KIF5C: variants seen among roughly 807,000 people sequenced by gnomAD.
KIF5C encodes kinesin heavy chain isoform 5C.
In KIF5C, 18 loss-of-function variants were observed where a neutral mutation model predicts 125.2. That is an observed-to-expected ratio of 0.14 (90% CI 0.10 to 0.21). The LOEUF is 0.21. KIF5C is among the 10% of genes least tolerant of loss of function. The pLI is 1.00. For missense variants in KIF5C, 780 were observed against 1,183.8 expected, an observed-to-expected ratio of 0.66 and a Z score of 5.01; for synonymous variants, 405 against 434.0, an observed-to-expected ratio of 0.93 and a Z score of 0.83.
intron 25 of KIF5C, among the ~76,000 whole-genome samples, chr2:149,016,149 T>C (rs1387645383): frequency 2.0e-5 from 3 of 152,180 alleles, no homozygotes; most frequent in Non-Finnish European, 4.4e-5. Flanking sequence ...CTCATGGATC[T>C]GGGAGAACCC....
intron 19 of KIF5C, 109 bp downstream of exon 19, chr2:148,998,618 G>C: frequency 6.7e-7 from 1 of 1,482,158 alleles, no homozygotes; most frequent in Non-Finnish European, 9.1e-7. Flanking sequence ...ACCTTGCCCT[G>C]TGGGCACTGC....
intron 1 of KIF5C, among the ~76,000 whole-genome samples, chr2:148,911,472 G>A (rs904368426): frequency 6.6e-6 from 1 of 152,100 alleles, no homozygotes; most frequent in Admixed American, 6.6e-5. Flanking sequence ...AGATTAAGAG[G>A]CCATGAAGCC....
chr2:148,903,636 T>C (rs763502256), intron 1 of KIF5C, among the ~76,000 whole-genome samples: 1 of 152,176 alleles, frequency 6.6e-6, no homozygotes, highest in Non-Finnish European at 1.5e-5. Flanking sequence ...GTTCCAAGTG[T>C]TTTACATATA....
chr2:148,979,036 C>G (rs1270825307), intron 13 of KIF5C, 46 bp downstream of exon 13: 1 of 1,485,426 alleles, frequency 6.7e-7, no homozygotes, highest in East Asian at 2.5e-5. Context: ...TCTTCTATTA[C>G]TCTTTGTTGT....
intron 3 of KIF5C, among the ~76,000 whole-genome samples, chr2:148,930,872 C>T (rs753348367): frequency 1.3e-5 from 2 of 152,174 alleles, no homozygotes; most frequent in African/African-American, 2.4e-5. Flanking sequence ...TACTGCAGAA[C>T]GTCTTGGAAA....
intron 1 of KIF5C, chr2:148,883,720 A>T (rs1048325037): frequency 1.4e-4 from 21 of 152,154 alleles, no homozygotes; most frequent in African/African-American, 5.1e-4. Context: ...GCATTCTAAA[A>T]GTTGCATATA....
chr2:148,875,575 G>GGCCCCCCC lies in KIF5C; in HGVS notation c.-43_-42insGCCCCCCC. The GGCCCCCCC allele has an allele frequency of 3.3e-5, 23 of 699,568 alleles. No individual in the cohort carries two copies. Among genetic ancestry groups the GGCCCCCCC allele is most frequent in the East Asian group, 6.0e-5 (2 of 33,462 alleles). The allele number at this position is 699,568 out of a possible 1,614,324, so 43.3% of individuals were successfully genotyped here. A position where few individuals can be genotyped will look rare whatever the true frequency, so the allele number is the denominator to read the frequency against. ...TCCTCCCTCGTCGTTCCCGGCCCCG[G>GGCCCCCCC]CCCCCCACCCATCCCCGTGCCCCCT... On this transcript the variant is annotated 5_prime_UTR_variant, in exon 1 of 26. Transcript: ENST00000435030.
intron 1 of KIF5C, chr2:148,884,083 G>C (rs891850666): frequency 4.6e-5 from 7 of 152,174 alleles, no homozygotes; most frequent in Non-Finnish European, 1.0e-4. Context: ...AATTCTTACT[G>C]AGGGTATGTG....
chr2:148,977,604 A>G (rs144346661), intron 12 of KIF5C, among the ~76,000 whole-genome samples: 1 of 152,342 alleles, frequency 6.6e-6, no homozygotes, highest in Non-Finnish European at 1.5e-5. Flanking sequence ...TTTCCCTAAT[A>G]TGATTTGTGC....
At position 149,026,545 on chromosome 2, in the gene KIF5C, G is replaced by A. The variant is rs528421167; in HGVS notation, c.*3475G>A. ...AAAAAAATTGTGGACAAACTTGTCC[G>A]GGGGGTTTGAGGGGAGAATGGTGGT... is the stretch of plus-strand genomic sequence containing the variant. On this transcript the variant is annotated 3_prime_UTR_variant, in exon 26 of 26. Coordinates refer to ENST00000435030, the MANE Select transcript of KIF5C (RefSeq NM_004522.3). 4.7e-4 allele frequency: 72 copies of A among 152,712 alleles called. No homozygotes were observed. Among genetic ancestry groups the A allele is most frequent in the Non-Finnish European group, 6.8e-4 (46 of 68,092 alleles). 9.5% of individuals were successfully genotyped at this position (152,712 alleles called of 1,614,324 possible).
chr2:148,997,003 GC>G (rs956201782), intron 17 of KIF5C, among the ~76,000 whole-genome samples: 1 of 152,092 alleles, frequency 6.6e-6, no homozygotes, highest in African/African-American at 2.4e-5. Context: ...TAGGAGGGCC[GC>G]CCCCAGTGAG....
intron 25 of KIF5C, among the ~76,000 whole-genome samples, chr2:149,015,482 T>C (rs115158899): frequency 0.01 from 1,564 of 152,348 alleles, 26 homozygotes; most frequent in African/African-American, 0.036. Flanking sequence ...AGCCCTCCTG[T>C]GGAGTCAAAG....
intron 1 of KIF5C, among the ~76,000 whole-genome samples, chr2:148,882,044 G>A (rs533509096): frequency 3.9e-5 from 6 of 152,086 alleles, no homozygotes; most frequent in East Asian, 3.9e-4. Flanking sequence ...TTTGCTGCAC[G>A]TCAACCAAGT....
At chr2:149,021,338 G>A (rs1682528458) in intron 25 of KIF5C, among the ~76,000 whole-genome samples, 1 of 152,112 alleles carries the variant, frequency 6.6e-6, no homozygotes, top group Non-Finnish European at 1.5e-5. Context: ...AAAGTGCTGG[G>A]ATTATAGGCA....
intron 15 of KIF5C, among the ~76,000 whole-genome samples, chr2:148,985,905 C>G (rs572508085): frequency 6.6e-6 from 1 of 152,252 alleles, no homozygotes; most frequent in African/African-American, 2.4e-5. Flanking sequence ...TTTCATAAAT[C>G]CTTGTGAATG....
At chr2:148,944,560 C>A (rs1682481315) in intron 7 of KIF5C, among the ~76,000 whole-genome samples, 1 of 152,192 alleles carries the variant, frequency 6.6e-6, no homozygotes, top group Non-Finnish European at 1.5e-5. Context: ...GCTTGGGTGG[C>A]TTCCACATTT....
intron 15 of KIF5C, among the ~76,000 whole-genome samples, chr2:148,986,374 A>G (rs1681381530): frequency 6.6e-6 from 1 of 152,158 alleles, no homozygotes; most frequent in South Asian, 2.1e-4. Context: ...TTTTTCATAT[A>G]ATTATGAGTT....
chr2:148,898,941 A>G (rs1236037636), intron 1 of KIF5C, among the ~76,000 whole-genome samples: 1 of 152,214 alleles, frequency 6.6e-6, no homozygotes, highest in African/African-American at 2.4e-5. Context: ...GCAGCAACGA[A>G]TGTTCATGAG....
At chr2:148,918,489 G>T (rs773783769) in intron 1 of KIF5C, among the ~76,000 whole-genome samples, 87 of 152,196 alleles carry the variant, frequency 5.7e-4, no homozygotes, top group Non-Finnish European at 1.1e-3. Context: ...GTGATACCTG[G>T]GTGGGGTTGG....
Sources: allele counts gnomAD v4.1 joint callset (sites outside exome capture counted in the v4.1 genomes callset), GRCh38; gene constraint gnomAD v4.1.1; transcripts MANE v1.5; gene names NCBI Gene and HGNC (gene_info 2026-07-23, HGNC 2026-07-21).